ADAM29: variants seen among roughly 807,000 people sequenced by gnomAD.
ADAM29 encodes the protein disintegrin and metalloproteinase domain-containing protein 29.
For synonymous variants in ADAM29, 367 were observed against 342.3 expected (o/e 1.07, Z -0.80); for missense variants, 969 against 1,001.8 (o/e 0.97, Z 0.44).
At chr4:174,958,290 C>G (rs540823841) in intron 4 of ADAM29, among the ~76,000 whole-genome samples, 1 of 151,796 alleles carries the variant, frequency 6.6e-6, no homozygotes, top group Non-Finnish European at 1.5e-5. Flanking sequence ...GTGTCTTTCT[C>G]TTTTCAGTTC....
At chr4:174,933,135 T>A (rs1743998640) in intron 3 of ADAM29, among the ~76,000 whole-genome samples, 1 of 152,084 alleles carries the variant, frequency 6.6e-6, no homozygotes, top group African/African-American at 2.4e-5. Flanking sequence ...ACCATAAAGT[T>A]AGTGAGCAGA....
At chr4:174,970,901 C>A (rs1387033609) in intron 4 of ADAM29, among the ~76,000 whole-genome samples, 1 of 151,590 alleles carries the variant, frequency 6.6e-6, no homozygotes, top group African/African-American at 2.4e-5. Context: ...TTTTGTTTGT[C>A]TTTATTTTAA....
At chr4:174,958,663 T>C (rs956484252) in intron 4 of ADAM29, among the ~76,000 whole-genome samples, 1 of 151,870 alleles carries the variant, frequency 6.6e-6, no homozygotes, top group Admixed American at 6.6e-5. Flanking sequence ...TAAAATGCAA[T>C]ATATTTGTAA....
chr4:174,975,324 C>T, intron 4 of ADAM29, 22 bp from the exon 5 acceptor site: 3 of 412,058 alleles, frequency 7.3e-6, no homozygotes, highest in Non-Finnish European at 1.3e-5. Flanking sequence ...CATCCACATG[C>T]TGCTTTTTGT....
intron 2 of ADAM29, among the ~76,000 whole-genome samples, chr4:174,922,624 G>A (rs930378769): frequency 1.3e-5 from 2 of 152,072 alleles, no homozygotes; most frequent in Non-Finnish European, 2.9e-5. Flanking sequence ...TTGTGAAGAG[G>A]TAAGAGAGAG....
At chr4:174,939,300 C>T (rs1744388541) in intron 4 of ADAM29, among the ~76,000 whole-genome samples, 1 of 152,172 alleles carries the variant, frequency 6.6e-6, no homozygotes, top group Non-Finnish European at 1.5e-5. Context: ...CATCAAAACA[C>T]TGTCTAATTC....
Position 174,978,057 on chromosome 4 carries a change from G to T in ADAM29, c.*69G>T. On this transcript the variant is annotated 3_prime_UTR_variant, in exon 5 of 5. Transcript: ENST00000359240. ...CGCCCTCCCAGAGCCAACCTCGGGT[G>T]ACACCCTCCCAGAGTCAACCTCATG... 2 of 1,587,978 alleles carry T rather than the reference G, an allele frequency of 1.3e-6. No homozygotes were observed. The highest frequency in any genetic ancestry group is 1.7e-6 in the Non-Finnish European group (2 of 1,164,388).
At chr4:174,949,521 C>G (rs1195692575) in intron 4 of ADAM29, among the ~76,000 whole-genome samples, 1 of 152,112 alleles carries the variant, frequency 6.6e-6, no homozygotes, top group African/African-American at 2.4e-5. Context: ...CCAGGAGTCA[C>G]TGGGGGCCAG....
rs1276932209 is a variant in ADAM29, at chr4:174,975,671, C to T, written c.146C>T (p.Pro49Leu). Residue 49 changes from proline to leucine, a missense_variant, in exon 5 of 5, where the codon CCA (proline) becomes CTA (leucine). Pro to Leu is a moderately conservative substitution (Grantham distance 98, BLOSUM62 -3). Transcript: ENST00000359240. ...ITGTTRGMTPPGWLSYILPFG... is the reference protein window; with the variant it reads ...ITGTTRGMTPLGWLSYILPFG... ...GGCACCACCAGAGGCATGACACCTC[C>T]AGGCTGGCTCTCCTATATCCTGCCC... 1.9e-6 allele frequency: 3 copies of T among 1,613,086 alleles called. No homozygotes were observed. The highest frequency in any genetic ancestry group is 1.7e-5 in the Admixed American group (1 of 59,898).
At chr4:174,951,748 C>G (rs957428995) in intron 4 of ADAM29, among the ~76,000 whole-genome samples, 1 of 152,130 alleles carries the variant, frequency 6.6e-6, no homozygotes, top group East Asian at 1.9e-4. Context: ...CCTGCGCTCT[C>G]AACCATCAGC....
At chr4:174,965,345 A>G (rs1746086133) in intron 4 of ADAM29, among the ~76,000 whole-genome samples, 1 of 152,020 alleles carries the variant, frequency 6.6e-6, no homozygotes, top group African/African-American at 2.4e-5. Context: ...CCCCAAATAA[A>G]TGCATTAATG....
intron 4 of ADAM29, among the ~76,000 whole-genome samples, chr4:174,954,447 T>C (rs550438826): frequency 1.3e-5 from 2 of 152,334 alleles, no homozygotes; most frequent in East Asian, 1.9e-4. Flanking sequence ...CTTATTTTTT[T>C]CTCAATATTT....
chr4:174,923,954 ACTT>A (rs1392306833), intron 2 of ADAM29: 3 of 152,366 alleles, frequency 2.0e-5, no homozygotes, highest in African/African-American at 7.2e-5. Context: ...TCCCAAGGCC[ACTT>A]CTTCTCAGCT....
chr4:174,962,457 A>G (rs938136268), intron 4 of ADAM29, among the ~76,000 whole-genome samples: 1 of 150,608 alleles, frequency 6.6e-6, no homozygotes, highest in Non-Finnish European at 1.5e-5. Context: ...GCTTGCAGTG[A>G]GCCGAGATCG....
intron 4 of ADAM29, among the ~76,000 whole-genome samples, chr4:174,964,306 G>A (rs1288116004): frequency 2.6e-5 from 4 of 152,082 alleles, no homozygotes; most frequent in East Asian, 1.9e-4. Context: ...AACCATGTAA[G>A]GCCCCAGTCA....
intron 4 of ADAM29, among the ~76,000 whole-genome samples, chr4:174,962,571 G>C (rs1446820863): frequency 6.6e-6 from 1 of 151,518 alleles, no homozygotes; most frequent in South Asian, 2.1e-4. Context: ...GTGCATCAGA[G>C]TGACTGTAAC....
At chr4:174,950,184 C>T (rs1195117695) in intron 4 of ADAM29, among the ~76,000 whole-genome samples, 1 of 152,170 alleles carries the variant, frequency 6.6e-6, no homozygotes, top group Non-Finnish European at 1.5e-5. Context: ...CCATTGATTT[C>T]CCCACTCCAT....
intron 4 of ADAM29, among the ~76,000 whole-genome samples, chr4:174,962,266 C>T (rs1745867738): frequency 6.6e-6 from 1 of 152,098 alleles, no homozygotes; most frequent in African/African-American, 2.4e-5. Context: ...AATCCCAGTA[C>T]TTTGGGAGGC....
Position 174,977,456 on chromosome 4 carries a change from G to C in ADAM29, c.1931G>C (p.Cys644Ser). The C allele has an allele frequency of 6.2e-7, 1 of 1,613,898 alleles. No individual in the cohort carries two copies. Among genetic ancestry groups the C allele is most frequent in the Non-Finnish European group, 8.5e-7 (1 of 1,179,918 alleles). The change falls in exon 5 of 5, where the codon TGC becomes TCC. Residue 644 changes from cysteine to serine, a missense_variant. Coordinates refer to ENST00000359240, the MANE Select transcript of ADAM29 (RefSeq NM_014269.4). Reference sequence around the variant, plus strand: ...TGCAACAATAAACATCACTGCCATTGCAATTATCTGTGGGACCCTCCCAAC... The same window carrying C: ...TGCAACAATAAACATCACTGCCATTCCAATTATCTGTGGGACCCTCCCAAC... ...GICNNKHHCHCNYLWDPPNCL... is the reference protein window; with the variant it reads ...GICNNKHHCHSNYLWDPPNCL...
Sources: gnomAD v4.1 joint callset for allele counts (sites outside exome capture counted in the v4.1 genomes callset) on GRCh38, gnomAD v4.1.1 for gene constraint, MANE v1.5 for transcripts, NCBI Gene and HGNC (gene_info 2026-07-23, HGNC 2026-07-21) for gene names.